Variants in MYH16 observed in about 807,000 individuals in gnomAD.
MYH16 encodes the protein putative uncharacterized protein MYH16.
chr7:99,292,515 G>T lies in MYH16; in HGVS notation n.4149+7G>T, dbSNP rs1792401093. 2 of 461,064 alleles carry T rather than the reference G, an allele frequency of 4.3e-6. No individual in the cohort carries two copies. The highest frequency in any genetic ancestry group is 3.1e-5 in the South Asian group (2 of 64,916). 28.6% of individuals were successfully genotyped at this position (461,064 alleles called of 1,614,324 possible). On this transcript the variant is annotated splice_region_variant and intron_variant and non_coding_transcript_variant, in intron 32 of 41. Coordinates refer to ENST00000439784, the Ensembl canonical transcript of MYH16. The stretch of plus-strand genomic sequence containing the variant: ...AGGAGCTGGAGGAGACCAAGTGAGT[G>T]TGGTCTTCCTGTTGAGAGAGCCAGG...
intron 25 of MYH16, 107 bp downstream of exon 7, chr7:99,284,125 C>A: frequency 2.7e-6 from 1 of 364,840 alleles, no homozygotes. Flanking sequence ...CACAAACATT[C>A]CTGCATGTCC....
intron 20 of MYH16, among the ~76,000 whole-genome samples, chr7:99,273,875 A>G (rs1043140255): frequency 1.6e-4 from 24 of 151,900 alleles, no homozygotes; most frequent in African/African-American, 5.6e-4. Flanking sequence ...GGAGAGAGGA[A>G]AGGAAGGGAG....
chr7:99,246,890 G>A (rs1304495349), intron 2 of MYH16, among the ~76,000 whole-genome samples: 3 of 152,002 alleles, frequency 2.0e-5, no homozygotes, highest in Non-Finnish European at 4.4e-5. Flanking sequence ...TCAAGTTAAT[G>A]ATTTCCAACT....
At chr7:99,249,490 G>C (rs1023175162) in intron 4 of MYH16, among the ~76,000 whole-genome samples, 2 of 134,032 alleles carry the variant, frequency 1.5e-5, no homozygotes, top group Admixed American at 8.2e-5. Context: ...AGTGAGCTAT[G>C]ATCACACCAC....
chr7:99,285,368 CCT>C lies in MYH16; in HGVS notation n.3317-11_3317-10del. 4.4e-6 allele frequency: 2 copies of C among 456,758 alleles called. No homozygotes were observed. The highest frequency in any genetic ancestry group is 3.1e-5 in the South Asian group (2 of 64,576). The allele number at this position is 456,758 out of a possible 1,614,324, so 28.3% of individuals were successfully genotyped here. On this transcript the variant is annotated splice_polypyrimidine_tract_variant and intron_variant and non_coding_transcript_variant, in intron 26 of 41. Coordinates refer to ENST00000439784, the Ensembl canonical transcript of MYH16. ...CCTGGCAGAGATGAATCCCCTCCCT[CCT>C]CTGTCTGCTAGGACCGAATTGAAGA...
intron 1 of MYH16, among the ~76,000 whole-genome samples, chr7:99,242,028 T>C (rs1431237567): frequency 6.6e-6 from 1 of 152,096 alleles, no homozygotes; most frequent in Non-Finnish European, 1.5e-5. Context: ...GCCCAGCTAA[T>C]TTTTGTATTT....
intron 20 of MYH16, among the ~76,000 whole-genome samples, chr7:99,276,396 T>C (rs1194182947): frequency 6.6e-6 from 1 of 152,262 alleles, no homozygotes. Flanking sequence ...GTTTCTGTGG[T>C]TCCCAGGGGA....
chr7:99,304,887 TAAG>T (rs1792658121), intron 40 of MYH16, 131 bp downstream of exon 21: 1 of 152,206 alleles, frequency 6.6e-6, no homozygotes, highest in African/African-American at 2.4e-5. Flanking sequence ...ATGCAACTGT[TAAG>T]AAGAAATTGA....
At chr7:99,290,129 G>A (rs1792346753) in intron 30 of MYH16, among the ~76,000 whole-genome samples, 1 of 152,168 alleles carries the variant, frequency 6.6e-6, no homozygotes, top group South Asian at 2.1e-4. Flanking sequence ...TAGTGCTCCG[G>A]TGTGACATCA....
At chr7:99,284,161 A>G in intron 25 of MYH16, 143 bp downstream of exon 7, 2 of 358,506 alleles carry the variant, frequency 5.6e-6, no homozygotes, top group Middle Eastern at 8.1e-4. Context: ...CATGGAGGAT[A>G]TGCAGAGAGG....
At chr7:99,257,388 G>T in exon 10 of MYH16, 1 of 179,174 alleles carries the variant, frequency 5.6e-6, no homozygotes, top group South Asian at 1.4e-4. Context: ...TTGGGAACAT[G>T]AAGTTCAAGC....
rs1792072771 is a variant in MYH16 at position 99,273,514 on chromosome 7, G to A, written n.2485+91G>A. 3 of 435,018 alleles carry A rather than the reference G, an allele frequency of 6.9e-6. No homozygotes were observed. In the Admixed American group the frequency reaches 7.7e-5, roughly 11 times the overall value. 26.9% of individuals were successfully genotyped at this position (435,018 alleles called of 1,614,324 possible). ...CTGGACAGAGATGCCCCTCGGGAGT[G>A]AGAGGCTGCAAGAACAGTTTGAAAA... On this transcript the variant is annotated intron_variant and non_coding_transcript_variant, in intron 20 of 41. Coordinates refer to ENST00000439784, the Ensembl canonical transcript of MYH16.
intron 24 of MYH16, 24 bp downstream of exon 6, chr7:99,283,675 C>T (rs1483983888): frequency 6.6e-6 from 3 of 456,488 alleles, no homozygotes; most frequent in Non-Finnish European, 1.3e-5. Flanking sequence ...CTGTGGCCAC[C>T]TCTACAACTC....
At chr7:99,283,316 C>T (rs571637417) in intron 23 of MYH16, among the ~76,000 whole-genome samples, 11 of 152,268 alleles carry the variant, frequency 7.2e-5, no homozygotes, top group Admixed American at 4.6e-4. Flanking sequence ...TGCAGTGGTA[C>T]GATCATAGCT....
intron 2 of MYH16, among the ~76,000 whole-genome samples, chr7:99,245,462 A>G (rs1246236203): frequency 6.6e-6 from 1 of 152,130 alleles, no homozygotes; most frequent in Non-Finnish European, 1.5e-5. Flanking sequence ...AGATTTGGCC[A>G]TTTCCTGTCT....
chr7:99,261,253 G>C (rs1791934814), intron 12 of MYH16: 1 of 152,260 alleles, frequency 6.6e-6, no homozygotes, highest in African/African-American at 2.4e-5. Context: ...CCTCTTTCAA[G>C]TCTTAATGGC....
chr7:99,255,095 C>A (rs1246799304), intron 8 of MYH16, among the ~76,000 whole-genome samples: 1 of 152,080 alleles, frequency 6.6e-6, no homozygotes, highest in Admixed American at 6.6e-5. Flanking sequence ...ATGGCGAAAC[C>A]CCATCTCTAC....
chr7:99,266,629 T>G (rs1357204546), intron 17 of MYH16, among the ~76,000 whole-genome samples: 1 of 152,126 alleles, frequency 6.6e-6, no homozygotes, highest in Admixed American at 6.5e-5. Context: ...TAGAAACAGC[T>G]CCTCCCTGTA....
chr7:99,300,764 C>A (rs912527038), intron 37 of MYH16, among the ~76,000 whole-genome samples: 1 of 152,088 alleles, frequency 6.6e-6, no homozygotes, highest in Non-Finnish European at 1.5e-5. Flanking sequence ...TGTGACTACA[C>A]CACTGCACTC....
Sources: gnomAD v4.1 joint callset for allele counts (sites outside exome capture counted in the v4.1 genomes callset) on GRCh38, gnomAD v4.1.1 for gene constraint, MANE v1.5 for transcripts, NCBI Gene and HGNC (gene_info 2026-07-23, HGNC 2026-07-21) for gene names.